DPP10: variants seen among roughly 807,000 people sequenced by gnomAD.
DPP10 encodes the protein dipeptidyl peptidase like 10.
Under a neutral mutation model 120.9 loss-of-function variants are expected in DPP10, and 33 were observed. That is an observed-to-expected ratio of 0.27 (90% CI 0.21 to 0.37). The LOEUF (loss-of-function observed/expected upper bound fraction) is 0.37, where lower values mean the gene tolerates loss of function less well. DPP10 is among the 10% of genes least tolerant of loss of function. The pLI, the probability that DPP10 is intolerant of heterozygous loss-of-function variation, is 1.00. For missense variants in DPP10, 816 were observed against 942.8 expected (o/e 0.87, Z 1.76); for synonymous variants, 337 against 326.1 (o/e 1.03, Z -0.36).
intron 1 of DPP10, among the ~76,000 whole-genome samples, chr2:115,214,250 A>G (rs1325941344): frequency 6.6e-6 from 1 of 152,202 alleles, no homozygotes; most frequent in African/African-American, 2.4e-5. Context: ...ACATCCCATG[A>G]AGATAGTTTA....
chr2:115,110,488 C>T (rs2049161156), intron 1 of DPP10, among the ~76,000 whole-genome samples: 1 of 151,992 alleles, frequency 6.6e-6, no homozygotes, highest in South Asian at 2.1e-4. Flanking sequence ...GAAGTATGGA[C>T]ATTATCTAAA....
chr2:115,674,402 AT>A (rs1209504474), intron 5 of DPP10, among the ~76,000 whole-genome samples: 1 of 150,488 alleles, frequency 6.6e-6, no homozygotes, highest in Non-Finnish European at 1.5e-5. Context: ...TTTTTTTAAG[AT>A]TTTTTTCTTA....
At chr2:114,620,512 A>T (rs747537370) in intron 1 of DPP10, among the ~76,000 whole-genome samples, 5 of 152,074 alleles carry the variant, frequency 3.3e-5, no homozygotes, top group African/African-American at 1.2e-4. Context: ...ATATTTAATT[A>T]AAAGTAAAAA....
In DPP10 at chr2:114,525,141, G is replaced by T. The variant is rs552775507; in HGVS notation, c.60+82303G>T. 3.9e-5 allele frequency among the ~76,000 whole-genome samples: 6 copies of T among 152,186 alleles called. No individual in the cohort carries two copies. The South Asian group carries it at 1.2e-3, about 32-fold the overall frequency. ...TAAGCCTCCAGAAACTGTATCCTAT[G>T]TTCCTTTATATTGTATTAGAAATAA... is the stretch of plus-strand genomic sequence containing the variant. On this transcript the variant is annotated intron_variant, in intron 1 of 25. Transcript: ENST00000410059.
chr2:114,776,218 A>G (rs758841941), intron 1 of DPP10, among the ~76,000 whole-genome samples: 7 of 152,218 alleles, frequency 4.6e-5, no homozygotes, highest in Non-Finnish European at 8.8e-5. Context: ...GAACAATTGA[A>G]CAACAATTAG....
intron 1 of DPP10, among the ~76,000 whole-genome samples, chr2:114,603,838 TG>T (rs1692568353): frequency 6.6e-6 from 1 of 152,024 alleles, no homozygotes; most frequent in African/African-American, 2.4e-5. Flanking sequence ...GAAGGAGTGT[TG>T]TGGGTCCCCA....
chr2:114,598,753 A>T (rs550233808), intron 1 of DPP10, among the ~76,000 whole-genome samples: 1 of 151,926 alleles, frequency 6.6e-6, no homozygotes, highest in Non-Finnish European at 1.5e-5. Context: ...TTATTAGATC[A>T]TTTGTTAGCT....
intron 5 of DPP10, among the ~76,000 whole-genome samples, chr2:115,597,042 A>T (rs913227658): frequency 6.6e-6 from 1 of 152,194 alleles, no homozygotes. Flanking sequence ...ATTTAACTAC[A>T]TGAGAAGCAG....
At chr2:115,059,051 A>G (rs970991684) in intron 1 of DPP10, among the ~76,000 whole-genome samples, 3 of 152,158 alleles carry the variant, frequency 2.0e-5, no homozygotes, top group African/African-American at 7.2e-5. Context: ...TATCTTGGTA[A>G]TCCTATACAG....
rs930270189 is a variant in DPP10, at chr2:114,587,363, T to C, written c.60+144525T>C. ...CACACACACACAGACACACACAGCCTCAGTTATTCCTTTATAGCAACACAA... is the reference window on the plus strand; with the variant it reads ...CACACACACACAGACACACACAGCCCCAGTTATTCCTTTATAGCAACACAA... On this transcript the variant is annotated intron_variant, in intron 1 of 25. Coordinates refer to ENST00000410059, the MANE Select transcript of DPP10 (RefSeq NM_020868.6). Among the ~76,000 whole-genome samples, 4 of 149,842 alleles carry C rather than the reference T, an allele frequency of 2.7e-5. No homozygotes were observed. In the South Asian group the frequency reaches 8.4e-4, roughly 32 times the overall value.
intron 3 of DPP10, among the ~76,000 whole-genome samples, chr2:115,490,630 T>G (rs1461299927): frequency 6.6e-6 from 1 of 152,176 alleles, no homozygotes; most frequent in Non-Finnish European, 1.5e-5. Flanking sequence ...AGAATAAACC[T>G]CTTTAAAGTA....
At chr2:115,475,461 C>T (rs1187537354) in intron 3 of DPP10, among the ~76,000 whole-genome samples, 2 of 152,354 alleles carry the variant, frequency 1.3e-5, no homozygotes, top group Admixed American at 1.3e-4. Context: ...CTGGCAGAAG[C>T]CTGCTGCAGG....
At chr2:115,753,051 A>C (rs577684103) in intron 10 of DPP10, 123 bp from the exon 11 acceptor site, 9 of 757,994 alleles carry the variant, frequency 1.2e-5, no homozygotes, top group African/African-American at 7.1e-5. Context: ...ACATAAATTA[A>C]TATGTAGCAA....
chr2:115,455,276 A>T (rs1025641871), intron 3 of DPP10, among the ~76,000 whole-genome samples: 4 of 151,874 alleles, frequency 2.6e-5, no homozygotes, highest in Non-Finnish European at 5.9e-5. Context: ...CAAAATTCTA[A>T]GTAGGCTTTT....
At chr2:114,765,442 T>C (rs1680624504) in intron 1 of DPP10, among the ~76,000 whole-genome samples, 1 of 152,134 alleles carries the variant, frequency 6.6e-6, no homozygotes, top group Admixed American at 6.6e-5. Flanking sequence ...TAAGTGAGCA[T>C]TATGTGAACA....
intron 3 of DPP10, among the ~76,000 whole-genome samples, chr2:115,406,117 G>A (rs1311629731): frequency 1.3e-5 from 2 of 152,180 alleles, no homozygotes; most frequent in Non-Finnish European, 2.9e-5. Context: ...CAGTTCACTA[G>A]CAGTTAGAAG....
At position 114,898,587 on chromosome 2, in the gene DPP10, C is replaced by G. The variant is rs796652428; in HGVS notation, c.61-410652C>G. Among the ~76,000 whole-genome samples, 68 of 151,862 alleles carry G rather than the reference C, an allele frequency of 4.5e-4. 1 individual carries two copies. The highest frequency in any genetic ancestry group is 1.3e-3 in the African/African-American group (53 of 41,414). ...AATGGAGTGTAAATATTGTAATGGACAGTTAAATCTAAATGTAGCAGTAAT... is the reference window on the plus strand; with the variant it reads ...AATGGAGTGTAAATATTGTAATGGAGAGTTAAATCTAAATGTAGCAGTAAT... On this transcript the variant is annotated intron_variant, in intron 1 of 25. Coordinates refer to ENST00000410059, the MANE Select transcript of DPP10 (RefSeq NM_020868.6).
At chr2:115,246,409 T>C (rs2058535549) in intron 1 of DPP10, among the ~76,000 whole-genome samples, 1 of 152,144 alleles carries the variant, frequency 6.6e-6, no homozygotes, top group African/African-American at 2.4e-5. Flanking sequence ...ACTGGGGTTT[T>C]CCAGAAGAGG....
At chr2:115,050,097 CA>C (rs1559035272) in intron 1 of DPP10, 1 of 152,140 alleles carries the variant, frequency 6.6e-6, no homozygotes, top group African/African-American at 2.4e-5. Context: ...AAAAACAACA[CA>C]AAAGCTAGGC....
Sources: allele counts gnomAD v4.1 joint callset (sites outside exome capture counted in the v4.1 genomes callset), GRCh38; gene constraint gnomAD v4.1.1; transcripts MANE v1.5; gene names NCBI Gene and HGNC (gene_info 2026-07-23, HGNC 2026-07-21).